The following MGAT1 variants were observed in gnomAD, a reference collection of about 807,000 sequenced individuals.
MGAT1 encodes the protein N-glycosyl-oligosaccharide-glycoprotein N-acetylglucosaminyltransferase I.
A neutral mutation model predicts 31.7 loss-of-function variants in MGAT1; 14 were observed. The ratio of observed to expected loss-of-function variants is 0.44; its 90% CI spans 0.29 to 0.69. The LOEUF (loss-of-function observed/expected upper bound fraction) is 0.69, where lower values mean the gene tolerates loss of function less well. MGAT1 is among the 30% of genes least tolerant of loss of function. MGAT1 has a pLI of 0.12. For missense variants in MGAT1, 557 were observed against 626.0 expected (o/e 0.89, Z 1.18); for synonymous variants, 338 against 276.0 (o/e 1.22, Z -2.23).
intron 1 of MGAT1, among the ~76,000 whole-genome samples, chr5:180,814,895 C>G (rs549859139): frequency 3.3e-5 from 5 of 150,326 alleles, no homozygotes; most frequent in African/African-American, 9.8e-5. Context: ...GAGCTGAGAT[C>G]GCGCCACTGC....
At chr5:180,814,090 A>G (rs1231691334) in intron 1 of MGAT1, among the ~76,000 whole-genome samples, 1 of 152,032 alleles carries the variant, frequency 6.6e-6, no homozygotes, top group African/African-American at 2.4e-5. Context: ...TCAGGTGTAT[A>G]TTTTTTCACA....
At chr5:180,796,438 C>T (rs1051375574) in intron 1 of MGAT1, among the ~76,000 whole-genome samples, 15 of 152,176 alleles carry the variant, frequency 9.9e-5, no homozygotes, top group African/African-American at 2.7e-4. Flanking sequence ...TACATGTTGT[C>T]AAGTGACCGA....
chr5:180,813,264 C>G (rs541859067), intron 1 of MGAT1, among the ~76,000 whole-genome samples: 1 of 152,122 alleles, frequency 6.6e-6, no homozygotes, highest in African/African-American at 2.4e-5. Flanking sequence ...TATGATAGAA[C>G]GATGGTTTTG....
At chr5:180,806,020 G>T (rs1328755410), upstream of MGAT1, among the ~76,000 whole-genome samples, 1 of 152,158 alleles carries the variant, frequency 6.6e-6, no homozygotes, top group African/African-American at 2.4e-5. Flanking sequence ...GGGCACCGTG[G>T]CTCATGCCTA....
chr5:180,792,292 G>A lies in MGAT1; in HGVS notation c.680C>T (p.Pro227Leu), dbSNP rs149151044. ...DFFEYFRATY[P>L]LLKADPSLWC... ...CAGGGAGGGGTCGGCCTTCAGCAGC[G>A]GATAGGTGGCCCGAAAGTACTCGAA... Residue 227 changes from proline to leucine, a missense_variant, in exon 2 of 2, where the codon CCG (proline) becomes CTG (leucine). By Grantham distance (98) the Pro-to-Leu change is moderately conservative. Around this residue, in one of 3 missense-constraint regions of MGAT1, gnomAD observed 245 missense variants for 332.9 expected, o/e 0.74. Coordinates refer to ENST00000307826, the MANE Select transcript of MGAT1 (RefSeq NM_002406.4). The A allele has an allele frequency of 6.8e-6, 11 of 1,610,460 alleles. No homozygotes were observed. Among genetic ancestry groups the A allele is most frequent in the African/African-American group, 4.0e-5 (3 of 75,008 alleles).
chr5:180,814,907 C>T (rs902863596), intron 1 of MGAT1, among the ~76,000 whole-genome samples: 1 of 150,268 alleles, frequency 6.7e-6, no homozygotes, highest in Non-Finnish European at 1.5e-5. Context: ...CGCCACTGCA[C>T]TCCAGCCTAG....
At chr5:180,799,146 A>G (rs1311754668) in intron 1 of MGAT1, among the ~76,000 whole-genome samples, 1 of 152,178 alleles carries the variant, frequency 6.6e-6, no homozygotes, top group Non-Finnish European at 1.5e-5. Context: ...TTTAAAAACC[A>G]TCAGAGGCTG....
chr5:180,797,432 G>T (rs866891895), intron 1 of MGAT1, among the ~76,000 whole-genome samples: 30 of 145,900 alleles, frequency 2.1e-4, no homozygotes, highest in South Asian at 4.5e-4. Flanking sequence ...AAAAAAAAGG[G>T]GGGGGGGGCC....
Position 180,792,843 on chromosome 5 carries a change from G to A in MGAT1, c.129C>T (p.Leu43=). 1 of 1,565,842 alleles carries A rather than the reference G, an allele frequency of 6.4e-7. No homozygotes were observed. Among genetic ancestry groups the A allele is most frequent in the Non-Finnish European group, 8.6e-7 (1 of 1,156,316 alleles). The part of the protein sequence containing the change: ...APGRPPSVSA[L]DGDPASLTRE... ...GGGTGAGGCTGGCGGGGTCGCCATC[G>A]AGAGCGCTGACTGAGGGTGGCCTGC... The change falls in exon 2 of 2, where the codon CTC becomes CTT. Residue 43 remains leucine (L), a synonymous_variant. Coordinates refer to ENST00000307826, the MANE Select transcript of MGAT1 (RefSeq NM_002406.4).
At chr5:180,801,883 G>C (rs947489111) in intron 1 of MGAT1, among the ~76,000 whole-genome samples, 1 of 152,216 alleles carries the variant, frequency 6.6e-6, no homozygotes, top group Non-Finnish European at 1.5e-5. Flanking sequence ...ACAGAAGCAG[G>C]GAAATGGGTG....
intron 1 of MGAT1, among the ~76,000 whole-genome samples, chr5:180,793,758 T>G (rs1053779024): frequency 6.6e-6 from 1 of 152,180 alleles, no homozygotes; most frequent in Non-Finnish European, 1.5e-5. Flanking sequence ...ATGGATAGCC[T>G]TCATATCCAC....
chr5:180,804,507 C>G (rs921528346), upstream of MGAT1, among the ~76,000 whole-genome samples: 7 of 152,226 alleles, frequency 4.6e-5, no homozygotes, highest in Admixed American at 4.6e-4. Context: ...TCCACTTTAG[C>G]TGACTGCGCG....
chr5:180,792,215 T>G lies in MGAT1; in HGVS notation c.757A>C (p.Ser253Arg), dbSNP rs748186735. The change falls in exon 2 of 2, where the codon AGC becomes CGC. Residue 253 changes from serine to arginine, a missense_variant. Coordinates refer to ENST00000307826, the MANE Select transcript of MGAT1 (RefSeq NM_002406.4). ...DNGKEQMVDA[S>R]RPELLYRTDF... ...GTGCGGTAGAGCAGCTCAGGCCTGC[T>G]GGCGTCCACCATCTGCTCCTTGCCG... 1 of 1,613,000 alleles carries G rather than the reference T, an allele frequency of 6.2e-7. No individual in the cohort carries two copies. The highest frequency in any genetic ancestry group is 8.5e-7 in the Non-Finnish European group (1 of 1,180,020).
rs773672393 is a variant in MGAT1 at position 180,791,676 on chromosome 5, C to T, written c.1296G>A (p.Ala432=). The change falls in exon 2 of 2, where the codon GCG becomes GCA. Residue 432 remains alanine (A), a synonymous_variant. Coordinates refer to ENST00000307826, the MANE Select transcript of MGAT1 (RefSeq NM_002406.4). ...CATAGCCCTCCCACGTCAGTGGGGGCGCCAGGTGGACACGGCGGCCCCGGA... is the reference window on the plus strand; with the variant it reads ...CATAGCCCTCCCACGTCAGTGGGGGTGCCAGGTGGACACGGCGGCCCCGGA... ...FQFRGRRVHL[A]PPLTWEGYDP... 2.0e-5 allele frequency: 33 copies of T among 1,613,654 alleles called. No individual in the cohort carries two copies. The highest frequency in any genetic ancestry group is 2.5e-5 in the Non-Finnish European group (30 of 1,179,994).
chr5:180,812,231 A>G (rs1772622372), intron 1 of MGAT1, among the ~76,000 whole-genome samples: 2 of 152,234 alleles, frequency 1.3e-5, no homozygotes, highest in South Asian at 2.1e-4. Flanking sequence ...GAACCAATGA[A>G]TGAACTTGAA....
At chr5:180,793,499 G>A (rs1330119731) in intron 1 of MGAT1, among the ~76,000 whole-genome samples, 1 of 152,074 alleles carries the variant, frequency 6.6e-6, no homozygotes, top group Non-Finnish European at 1.5e-5. Flanking sequence ...TTACCAACAG[G>A]GAAGCACCAG....
chr5:180,791,327 A>T lies in MGAT1; in HGVS notation c.*307T>A. On this transcript the variant is annotated 3_prime_UTR_variant, in exon 2 of 2. Transcript: ENST00000307826. Reference sequence around the variant, plus strand: ...GCGAACGTTGCCAAACTCTCTGCACATGCTCCAGGAGAAAGCTCAGGACGT... The same window carrying T: ...GCGAACGTTGCCAAACTCTCTGCACTTGCTCCAGGAGAAAGCTCAGGACGT... 1 of 449,402 alleles carries T rather than the reference A, an allele frequency of 2.2e-6. No individual in the cohort carries two copies. Among genetic ancestry groups the T allele is most frequent in the Non-Finnish European group, 4.0e-6 (1 of 250,112 alleles). 27.8% of individuals were successfully genotyped at this position (449,402 alleles called of 1,614,324 possible).
In MGAT1 at chr5:180,791,414, C is replaced by T. The variant is rs1428651802; in HGVS notation, c.*220G>A. ...CCACACAGTGGTTTCCTGCTTAATA[C>T]CCCGCAACATACCCTAGAATAGTTC... On this transcript the variant is annotated 3_prime_UTR_variant, in exon 2 of 2. Coordinates refer to ENST00000307826, the MANE Select transcript of MGAT1 (RefSeq NM_002406.4). The T allele has an allele frequency of 2.0e-5, 13 of 635,948 alleles. No homozygotes were observed. 39.4% of individuals were successfully genotyped at this position (635,948 alleles called of 1,614,324 possible).
intron 1 of MGAT1, among the ~76,000 whole-genome samples, chr5:180,799,017 C>G (rs1026331045): frequency 2.1e-4 from 32 of 152,180 alleles, no homozygotes; most frequent in Non-Finnish European, 3.8e-4. Flanking sequence ...AGTCTGGACT[C>G]TTGATGTAGT....
Sources: gnomAD v4.1 joint callset for allele counts (sites outside exome capture counted in the v4.1 genomes callset) on GRCh38, gnomAD v4.1.1 for gene constraint, gnomAD v4.1.1 regional missense constraint, MANE v1.5 for transcripts, NCBI Gene and HGNC (gene_info 2026-07-23, HGNC 2026-07-21) for gene names.